TAF1B: variants seen among roughly 807,000 people sequenced by gnomAD.
TAF1B encodes TATA box-binding protein-associated factor RNA polymerase I subunit B.
TAF1B carries 61 observed loss-of-function variants against 83.9 expected under a neutral mutation model. The observed-to-expected ratio is 0.73, with a 90% CI of 0.59 to 0.90. The LOEUF is 0.90. Ranked by LOEUF, TAF1B falls within the 40% of genes least tolerant of loss-of-function variation. TAF1B has a pLI of 0.00. For missense variants in TAF1B, 625 were observed against 677.0 expected, an observed-to-expected ratio of 0.92 and a Z score of 0.85; for synonymous variants, 221 against 224.6, an observed-to-expected ratio of 0.98 and a Z score of 0.14.
intron 14 of TAF1B, among the ~76,000 whole-genome samples, chr2:9,927,494 G>A (rs4668657): frequency 0.51 from 77,645 of 152,108 alleles, 22,902 homozygotes; most frequent in Non-Finnish European, 0.68. Flanking sequence ...CCAATAGTGT[G>A]AAAGCATTCC....
chr2:9,851,476 C>A, intron 3 of TAF1B, 65 bp from the exon 4 acceptor site: 3 of 1,233,718 alleles, frequency 2.4e-6, no homozygotes, highest in East Asian at 4.9e-5. Flanking sequence ...CAAATTGTAA[C>A]TGTAGTAGCA....
chr2:9,921,675 T>A (rs745413491), intron 14 of TAF1B, among the ~76,000 whole-genome samples: 4 of 152,294 alleles, frequency 2.6e-5, no homozygotes, highest in Middle Eastern at 3.4e-3. Flanking sequence ...GAGAGGAGTA[T>A]ATGGATTAAA....
At chr2:9,858,891 C>T (rs1572219728) in intron 5 of TAF1B, among the ~76,000 whole-genome samples, 1 of 152,332 alleles carries the variant, frequency 6.6e-6, no homozygotes, top group African/African-American at 2.4e-5. Context: ...GGCATCTGGG[C>T]CTGTGATGGG....
intron 5 of TAF1B, among the ~76,000 whole-genome samples, chr2:9,859,420 T>C (rs953648311): frequency 2.6e-5 from 4 of 151,282 alleles, no homozygotes; most frequent in Non-Finnish European, 5.9e-5. Context: ...AGAGTGTTGC[T>C]TTGTTGCGCA....
intron 2 of TAF1B, 80 bp from the exon 3 acceptor site, chr2:9,849,293 A>G: frequency 8.8e-7 from 1 of 1,131,430 alleles, no homozygotes; most frequent in Non-Finnish European, 1.2e-6. Flanking sequence ...GGTTTATTAT[A>G]CTTTCCAGAA....
chr2:9,873,514 A>G (rs977803401), intron 6 of TAF1B, among the ~76,000 whole-genome samples: 8 of 151,964 alleles, frequency 5.3e-5, no homozygotes, highest in African/African-American at 1.7e-4. Flanking sequence ...CCTTCAAAGT[A>G]TAGATTCTTA....
intron 6 of TAF1B, among the ~76,000 whole-genome samples, chr2:9,869,007 G>C (rs1664084139): frequency 6.6e-6 from 1 of 152,054 alleles, no homozygotes; most frequent in African/African-American, 2.4e-5. Context: ...AGTTACTTTT[G>C]GTGTAAAGTG....
At chr2:9,933,530 A>G (rs1558275662) in intron 14 of TAF1B, among the ~76,000 whole-genome samples, 1 of 152,150 alleles carries the variant, frequency 6.6e-6, no homozygotes, top group Non-Finnish European at 1.5e-5. Context: ...AGAAACTTTG[A>G]GCAAAGAGTT....
intron 14 of TAF1B, among the ~76,000 whole-genome samples, chr2:9,926,399 T>TA (rs1389341759): frequency 6.6e-6 from 1 of 152,230 alleles, no homozygotes; most frequent in African/African-American, 2.4e-5. Context: ...TTTTTCTTCT[T>TA]ACAATGTACT....
At chr2:9,887,133 G>T (rs1006059964) in intron 8 of TAF1B, among the ~76,000 whole-genome samples, 1 of 151,990 alleles carries the variant, frequency 6.6e-6, no homozygotes, top group African/African-American at 2.4e-5. Context: ...TATAATAGTC[G>T]CATTTATTTC....
At chr2:9,918,330 A>T (rs1014192290) in intron 12 of TAF1B, among the ~76,000 whole-genome samples, 1 of 152,212 alleles carries the variant, frequency 6.6e-6, no homozygotes, top group African/African-American at 2.4e-5. Flanking sequence ...TAGAACTAGA[A>T]ATAGAACATG....
At chr2:9,864,461 A>C (rs1455357653) in intron 5 of TAF1B, among the ~76,000 whole-genome samples, 1 of 152,108 alleles carries the variant, frequency 6.6e-6, no homozygotes, top group Admixed American at 6.6e-5. Flanking sequence ...CTTACCAACC[A>C]AAAAAAGTCC....
chr2:9,872,883 G>A (rs943036078), intron 6 of TAF1B, among the ~76,000 whole-genome samples: 2 of 152,124 alleles, frequency 1.3e-5, no homozygotes, highest in African/African-American at 4.8e-5. Flanking sequence ...GTTCCATTAC[G>A]TTCTCAGGTG....
chr2:9,899,698 G>T, intron 8 of TAF1B, among the ~76,000 whole-genome samples: 1 of 151,654 alleles, frequency 6.6e-6, no homozygotes, highest in East Asian at 1.9e-4. Flanking sequence ...AATGTATTCA[G>T]AATTAGAAGG....
chr2:9,902,602 T>C (rs1318679967), intron 8 of TAF1B, among the ~76,000 whole-genome samples: 2 of 152,238 alleles, frequency 1.3e-5, no homozygotes, highest in African/African-American at 4.8e-5. Context: ...TGTTCTATTG[T>C]GAGATTATAT....
At chr2:9,918,924 G>C in intron 12 of TAF1B, 117 bp from the exon 13 acceptor site, 1 of 870,504 alleles carries the variant, frequency 1.1e-6, no homozygotes, top group Non-Finnish European at 1.9e-6. Context: ...TGTGCCAGTA[G>C]GCCATTCCAA....
At chr2:9,898,427 A>C (rs899532959) in intron 8 of TAF1B, among the ~76,000 whole-genome samples, 2 of 152,252 alleles carry the variant, frequency 1.3e-5, no homozygotes, top group African/African-American at 4.8e-5. Context: ...AGGTAGAATT[A>C]GCAGATAACC....
At chr2:9,849,572 T>C in intron 3 of TAF1B, 112 bp downstream of exon 3, 1 of 680,234 alleles carries the variant, frequency 1.5e-6, no homozygotes, top group East Asian at 3.0e-5. Flanking sequence ...TGCCAGATTT[T>C]ATCTACTGGC....
chr2:9,860,608 T>A (rs1235909626), intron 5 of TAF1B, among the ~76,000 whole-genome samples: 1 of 152,030 alleles, frequency 6.6e-6, no homozygotes, highest in African/African-American at 2.4e-5. Flanking sequence ...CATTCTACGG[T>A]TAAGATGTTT....
Sources: gnomAD v4.1 joint callset for allele counts (sites outside exome capture counted in the v4.1 genomes callset) on GRCh38, gnomAD v4.1.1 for gene constraint, MANE v1.5 for transcripts, NCBI Gene and HGNC (gene_info 2026-07-23, HGNC 2026-07-21) for gene names.